Variants in MFSD6 observed in about 807,000 individuals in gnomAD.
The protein encoded by MFSD6 is major facilitator superfamily domain containing 6.
In MFSD6, 26 loss-of-function variants were observed where a neutral mutation model predicts 56.3. That is an observed-to-expected ratio of 0.46 (90% CI 0.34 to 0.64). The LOEUF (loss-of-function observed/expected upper bound fraction) is 0.64. Among genes scored for constraint, MFSD6 ranks in the 30% least tolerant of loss-of-function variants. The probability of loss-of-function intolerance (pLI) is 0.01; values close to 1 mark genes in which losing one functional copy is unlikely to be tolerated. For missense variants in MFSD6, 750 were observed against 986.2 expected, an observed-to-expected ratio of 0.76 and a Z score of 3.21; for synonymous variants, 331 against 366.9, an observed-to-expected ratio of 0.90 and a Z score of 1.12.
At chr2:190,445,464 A>AAAAC (rs1686542295) in intron 3 of MFSD6, among the ~76,000 whole-genome samples, 1 of 148,996 alleles carries the variant, frequency 6.7e-6, no homozygotes, top group African/African-American at 2.5e-5. Context: ...TCACAAAAAA[A>AAAAC]AAAACCCCGA....
chr2:190,473,844 A>G (rs1446252203), intron 4 of MFSD6, among the ~76,000 whole-genome samples: 2 of 152,330 alleles, frequency 1.3e-5, no homozygotes, highest in African/African-American at 4.8e-5. Context: ...ATGTAAAAGA[A>G]CAGAAATTAT....
At position 190,454,680 on chromosome 2, in the gene MFSD6, GAAAT is replaced by G. The variant is rs1435395957; in HGVS notation, c.1533-15073_1533-15070del. ...CAGATTTCCAGCTCCAGAACTATAA[GAAAT>G]AAATGTCTATTGCTTAACCCACCAG... On this transcript the variant is annotated intron_variant, in intron 3 of 7. Transcript: ENST00000392328. This position sits in a 1 kb window ranked among gnomAD's most constrained non-coding sequence, Gnocchi z 4.6. Among the ~76,000 whole-genome samples the G allele has an allele frequency of 6.6e-6, 1 of 152,022 alleles. No individual in the cohort carries two copies. The highest frequency in any genetic ancestry group is 2.4e-5 in the African/African-American group (1 of 41,358).
At position 190,436,437 on chromosome 2, in the gene MFSD6, C is replaced by CT; in HGVS notation, c.412dup (p.Ser138PhefsTer60). ...TTAAAAAAGGCAAAATTGTCCTCCTCTTTTCTCTTTTGTGTTGGGTTTTAT... is the reference window on the plus strand; with the variant it reads ...TTAAAAAAGGCAAAATTGTCCTCCTCTTTTTCTCTTTTGTGTTGGGTTTTAT... On this transcript the variant is annotated frameshift_variant, in exon 3 of 8. Coordinates refer to ENST00000392328, the MANE Select transcript of MFSD6 (RefSeq NM_017694.4). LOFTEE classifies it high-confidence loss of function. This position sits in a 1 kb window ranked among gnomAD's most constrained non-coding sequence, Gnocchi z 5.3. 6.2e-7 allele frequency: 1 copy of CT among 1,614,200 alleles called. No individual in the cohort carries two copies. Among genetic ancestry groups the CT allele is most frequent in the South Asian group, 1.1e-5 (1 of 91,080 alleles).
rs1167252938 is a variant in MFSD6 at position 190,497,005 on chromosome 2, A to G, written c.1892-434A>G. Among the ~76,000 whole-genome samples, 1 of 152,168 alleles carries G rather than the reference A, an allele frequency of 6.6e-6. No homozygotes were observed. Among genetic ancestry groups the G allele is most frequent in the African/African-American group, 2.4e-5 (1 of 41,440 alleles). On this transcript the variant is annotated intron_variant, in intron 6 of 7. Coordinates refer to ENST00000392328, the MANE Select transcript of MFSD6 (RefSeq NM_017694.4). This position sits in a 1 kb window ranked among gnomAD's most constrained non-coding sequence, Gnocchi z 5.2. ...TTGCACCAAAATCTCACAAATCACC[A>G]TTAGAGAACTTACGTAACCAAATAC... is the stretch of plus-strand genomic sequence containing the variant.
chr2:190,496,909 G>A lies in MFSD6; in HGVS notation c.1892-530G>A, dbSNP rs1457547303. Among the ~76,000 whole-genome samples, 2 of 152,164 alleles carry A rather than the reference G, an allele frequency of 1.3e-5. No homozygotes were observed. Among genetic ancestry groups the A allele is most frequent in the African/African-American group, 4.8e-5 (2 of 41,436 alleles). ...ATATGATGGACTTTGGGGACTCAGG[G>A]GAAAGGGTGGGAAAGGGGTGAGGGA... is the stretch of plus-strand genomic sequence containing the variant. On this transcript the variant is annotated intron_variant, in intron 6 of 7. Coordinates refer to ENST00000392328, the MANE Select transcript of MFSD6 (RefSeq NM_017694.4). The surrounding 1 kb of genome is among the most constrained non-coding windows in gnomAD (Gnocchi z 4.7).
intron 2 of MFSD6, among the ~76,000 whole-genome samples, chr2:190,429,899 A>G (rs1002468875): frequency 6.6e-6 from 1 of 151,712 alleles, no homozygotes; most frequent in African/African-American, 2.4e-5. Context: ...TACAATGTGC[A>G]GATTTGATAC....
chr2:190,420,353 A>C (rs973434455), intron 2 of MFSD6, among the ~76,000 whole-genome samples: 7 of 151,910 alleles, frequency 4.6e-5, no homozygotes, highest in South Asian at 2.1e-4. Flanking sequence ...TGCTATGTGG[A>C]TAGAGAGAGA....
rs966302577 is a variant in MFSD6, at chr2:190,434,906, G to C, written c.-53-1071G>C. ...AGCGGGCCAGCAAGCATTATCACAT[G>C]AGCTCTTCCTCCTGTCAGATCAGCA... On this transcript the variant is annotated intron_variant, in intron 2 of 7. Coordinates refer to ENST00000392328, the MANE Select transcript of MFSD6 (RefSeq NM_017694.4). The surrounding 1 kb of genome is among the most constrained non-coding windows in gnomAD (Gnocchi z 4.3). Among the ~76,000 whole-genome samples the C allele has an allele frequency of 6.6e-6, 1 of 152,134 alleles. No homozygotes were observed. Among genetic ancestry groups the C allele is most frequent in the African/African-American group, 2.4e-5 (1 of 41,422 alleles).
rs1254783983 is a variant in MFSD6, at chr2:190,439,618, A to G, written c.1532+2057A>G. On this transcript the variant is annotated intron_variant, in intron 3 of 7. Coordinates refer to ENST00000392328, the MANE Select transcript of MFSD6 (RefSeq NM_017694.4). This position sits in a 1 kb window ranked among gnomAD's most constrained non-coding sequence, Gnocchi z 5.8. Reference sequence around the variant, plus strand: ...GTGTGTTTCTTTCCTGTGTAGTATTAGTTACTCATCATTTCAAAATTCACT... The same window carrying G: ...GTGTGTTTCTTTCCTGTGTAGTATTGGTTACTCATCATTTCAAAATTCACT... Among the ~76,000 whole-genome samples the G allele has an allele frequency of 6.6e-6, 1 of 152,144 alleles. No individual in the cohort carries two copies. The highest frequency in any genetic ancestry group is 1.5e-5 in the Non-Finnish European group (1 of 68,026).
rs762035978 is a variant in MFSD6 at position 190,469,746 on chromosome 2, A to AT, written c.1533-3dup. 493 of 1,364,632 alleles carry AT rather than the reference A, an allele frequency of 3.6e-4. 2 individuals are homozygous for AT. The African/African-American group carries it at 5.9e-3, about 16-fold the overall frequency. The allele number at this position is 1,364,632 out of a possible 1,614,324, so 84.5% of individuals were successfully genotyped here. A position where few individuals can be genotyped will look rare whatever the true frequency, so the allele number is the denominator to read the frequency against. On this transcript the variant is annotated splice_polypyrimidine_tract_variant and intron_variant, in intron 3 of 7. Coordinates refer to ENST00000392328, the MANE Select transcript of MFSD6 (RefSeq NM_017694.4). The surrounding 1 kb of genome is among the most constrained non-coding windows in gnomAD (Gnocchi z 5.3). ...TTTTTTTATTTTATTTTTATTTTTT[A>AT]TTTTTTTTTAGGGTTCTGTACATTG...
At chr2:190,411,579 T>C (rs2124977868) in intron 1 of MFSD6, 1 of 979,452 alleles carries the variant, frequency 1.0e-6, no homozygotes, top group East Asian at 1.1e-4. Context: ...TGTTCTCTTA[T>C]TATATAAACT....
rs1278568597 is a variant in MFSD6, at chr2:190,441,243, C to A, written c.1532+3682C>A. ...TAGGCTATGTTTTCCAGGGTCTGTT[C>A]TCGTGTCTTCTACTTGGGTTCGGCT... is the stretch of plus-strand genomic sequence containing the variant. On this transcript the variant is annotated intron_variant, in intron 3 of 7. Coordinates refer to ENST00000392328, the MANE Select transcript of MFSD6 (RefSeq NM_017694.4). Among the ~76,000 whole-genome samples the A allele has an allele frequency of 2.0e-5, 3 of 152,056 alleles. No homozygotes were observed. The South Asian group carries it at 6.2e-4, about 32-fold the overall frequency.
At chr2:190,441,801 C>A (rs550936490) in intron 3 of MFSD6, among the ~76,000 whole-genome samples, 1 of 152,198 alleles carries the variant, frequency 6.6e-6, no homozygotes, top group African/African-American at 2.4e-5. Flanking sequence ...CCCTGAGCTC[C>A]AACAACATTC....
rs1316455552 is a variant in MFSD6, at chr2:190,431,416, T to C, written c.-53-4561T>C. Among the ~76,000 whole-genome samples, 1 of 152,170 alleles carries C rather than the reference T, an allele frequency of 6.6e-6. No individual in the cohort carries two copies. Among genetic ancestry groups the C allele is most frequent in the Non-Finnish European group, 1.5e-5 (1 of 68,038 alleles). On this transcript the variant is annotated intron_variant, in intron 2 of 7. Coordinates refer to ENST00000392328, the MANE Select transcript of MFSD6 (RefSeq NM_017694.4). The surrounding 1 kb of genome is among the most constrained non-coding windows in gnomAD (Gnocchi z 4.4). Reference sequence around the variant, plus strand: ...CCACTGCACTCCAGCCTGGGCACCATTGATCACTGAGTGAACGAGACTCCG... The same window carrying C: ...CCACTGCACTCCAGCCTGGGCACCACTGATCACTGAGTGAACGAGACTCCG...
intron 4 of MFSD6, among the ~76,000 whole-genome samples, chr2:190,482,631 AACAGTTT>A (rs1688738412): frequency 6.6e-6 from 1 of 152,020 alleles, no homozygotes; most frequent in Non-Finnish European, 1.5e-5. Flanking sequence ...CAAGCCAAGC[AACAGTTT>A]ACAAAGAGCA....
At chr2:190,409,098 AG>A (rs1414668227) in intron 1 of MFSD6, among the ~76,000 whole-genome samples, 2 of 152,178 alleles carry the variant, frequency 1.3e-5, no homozygotes, top group Non-Finnish European at 1.5e-5. Context: ...CTGCTCTGCC[AG>A]CCACCATCCT....
In MFSD6 at chr2:190,448,406, G is replaced by A. The variant is rs550966036; in HGVS notation, c.1532+10845G>A. On this transcript the variant is annotated intron_variant, in intron 3 of 7. Coordinates refer to ENST00000392328, the MANE Select transcript of MFSD6 (RefSeq NM_017694.4). ...TTTCTTACAGTGAAAAAGAGAAACA[G>A]TCTAAATAGCCATCAATTGAGGAAT... Among the ~76,000 whole-genome samples, 18 of 152,246 alleles carry A rather than the reference G, an allele frequency of 1.2e-4. No homozygotes were observed. The South Asian group carries it at 3.5e-3, about 30-fold the overall frequency.
chr2:190,479,218 C>T (rs990658499), intron 4 of MFSD6, among the ~76,000 whole-genome samples: 4 of 152,232 alleles, frequency 2.6e-5, no homozygotes, highest in African/African-American at 9.6e-5. Flanking sequence ...GAGGTTATTT[C>T]TTTCCCATGA....
chr2:190,424,613 C>T lies in MFSD6; in HGVS notation c.-54+9200C>T, dbSNP rs568823496. Among the ~76,000 whole-genome samples the T allele has an allele frequency of 7.2e-5, 11 of 152,226 alleles. No individual in the cohort carries two copies. The highest frequency in any genetic ancestry group is 2.6e-4 in the African/African-American group (11 of 41,532). ...GCCACCAAAGTGCTGGGATTACAGG[C>T]GTGAGCCACTGCGCCTGGCCGAGTT... is the stretch of plus-strand genomic sequence containing the variant. On this transcript the variant is annotated intron_variant, in intron 2 of 7. Transcript: ENST00000392328. This position sits in a 1 kb window ranked among gnomAD's most constrained non-coding sequence, Gnocchi z 5.9.
Sources: gnomAD v4.1 joint callset for allele counts (sites outside exome capture counted in the v4.1 genomes callset) on GRCh38, gnomAD v4.1.1 for gene constraint, Gnocchi (gnomAD v3.1) non-coding constraint, MANE v1.5 for transcripts, NCBI Gene and HGNC (gene_info 2026-07-23, HGNC 2026-07-21) for gene names.